GLI2: variants seen among roughly 807,000 people sequenced by gnomAD.
The protein encoded by GLI2 is transcription activator GLI2.
In GLI2, 22 loss-of-function variants were observed where a neutral mutation model predicts 78.9. The observed-to-expected ratio is 0.28, with a 90% CI of 0.20 to 0.40. GLI2 has a LOEUF of 0.40. Among genes scored for constraint, GLI2 ranks in the 10% least tolerant of loss-of-function variants. The pLI is 1.00. For missense variants in GLI2, 2,097 were observed against 2,213.2 expected (o/e 0.95, Z 1.05); for synonymous variants, 974 against 963.7 (o/e 1.01, Z -0.20).
intron 1 of GLI2, among the ~76,000 whole-genome samples, chr2:120,740,037 C>G (rs1682483023): frequency 6.6e-6 from 1 of 152,098 alleles, no homozygotes; most frequent in African/African-American, 2.4e-5. Context: ...AATAAACACA[C>G]AACACCGGAT....
At chr2:120,777,562 T>C (rs1683719022) in intron 1 of GLI2, among the ~76,000 whole-genome samples, 1 of 143,092 alleles carries the variant, frequency 7.0e-6, no homozygotes, top group Admixed American at 6.8e-5. Context: ...GAGGAAAGCT[T>C]TGGGGGGTCT....
At chr2:120,933,753 C>T (rs1333595625) in intron 3 of GLI2, among the ~76,000 whole-genome samples, 2 of 152,060 alleles carry the variant, frequency 1.3e-5, no homozygotes, top group African/African-American at 4.8e-5. Context: ...AACTTGTGTC[C>T]TGGAGAGGAA....
chr2:120,828,235 C>T (rs992000333), intron 2 of GLI2, among the ~76,000 whole-genome samples: 15 of 152,332 alleles, frequency 9.8e-5, no homozygotes, highest in Admixed American at 2.6e-4. Flanking sequence ...GGCCAAGGCC[C>T]CCGGGCCAGG....
At chr2:120,827,991 A>G (rs556613428) in intron 2 of GLI2, among the ~76,000 whole-genome samples, 190 of 152,346 alleles carry the variant, frequency 1.2e-3, no homozygotes, top group Non-Finnish European at 2.2e-3. Flanking sequence ...AATGTACTCA[A>G]TGCCTCTGAA....
chr2:120,941,005 A>G (rs1376246780), intron 3 of GLI2, among the ~76,000 whole-genome samples: 3 of 152,192 alleles, frequency 2.0e-5, no homozygotes, highest in East Asian at 3.9e-4. Context: ...GCTCCCCACC[A>G]TCAGTGCCAT....
intron 1 of GLI2, among the ~76,000 whole-genome samples, chr2:120,756,554 G>A (rs1683039101): frequency 6.6e-6 from 1 of 152,112 alleles, no homozygotes. Flanking sequence ...GTTGCCTAGA[G>A]GTAGTGAGAG....
intron 2 of GLI2, among the ~76,000 whole-genome samples, chr2:120,899,557 T>C (rs1391764198): frequency 2.6e-5 from 4 of 151,996 alleles, no homozygotes; most frequent in Non-Finnish European, 5.9e-5. Flanking sequence ...CTTGTCTGGG[T>C]CGAAAAGGTC....
In GLI2 at chr2:120,984,755, T is replaced by C. The variant is rs754197833; in HGVS notation, c.1905+12T>C. ...CCGAGAGCTCCGGGGTAAGCGGAGC[T>C]GGGCAGCCCAGCCACGCAAGGCGAC... On this transcript the variant is annotated intron_variant, in intron 12 of 13. Coordinates refer to ENST00000361492, the MANE Select transcript of GLI2 (RefSeq NM_001374353.1). The C allele has an allele frequency of 4.3e-6, 7 of 1,611,338 alleles. No homozygotes were observed. The Admixed American group carries it at 5.0e-5, about 12-fold the overall frequency.
At chr2:120,906,049 T>C (rs1333603104) in intron 2 of GLI2, among the ~76,000 whole-genome samples, 4 of 152,342 alleles carry the variant, frequency 2.6e-5, no homozygotes, top group Non-Finnish European at 1.5e-5. Context: ...CCCTGCTCGC[T>C]GTGGGCACAG....
intron 2 of GLI2, among the ~76,000 whole-genome samples, chr2:120,822,290 C>T (rs1185257798): frequency 3.3e-5 from 5 of 152,212 alleles, no homozygotes; most frequent in Admixed American, 2.0e-4. Context: ...TCCCTGGACC[C>T]AGCAGTGTGC....
chr2:120,881,938 C>T (rs137965411), intron 2 of GLI2, among the ~76,000 whole-genome samples: 24 of 151,902 alleles, frequency 1.6e-4, no homozygotes, highest in South Asian at 1.0e-3. Context: ...GAATGTCAGC[C>T]CAGCAACCAA....
intron 3 of GLI2, among the ~76,000 whole-genome samples, chr2:120,946,051 C>T (rs751865285): frequency 5.3e-5 from 8 of 151,584 alleles, no homozygotes; most frequent in Non-Finnish European, 1.0e-4. Flanking sequence ...TGCACTACCT[C>T]GTGAACTCCT....
intron 5 of GLI2, among the ~76,000 whole-genome samples, chr2:120,965,420 G>A (rs115394714): frequency 7.2e-5 from 10 of 138,646 alleles, no homozygotes; most frequent in African/African-American, 3.4e-4. Context: ...TGCTGCAGCA[G>A]AGGGGCACAC....
Position 120,988,789 on chromosome 2 carries a change from C to G in GLI2, c.2824C>G (p.His942Asp). Residue 942 changes from histidine to aspartate, a missense_variant, in exon 14 of 14, where the codon CAC (histidine) becomes GAC (aspartate). This residue lies in a region of GLI2 where 1,290 missense variants were observed against 1,261.7 expected (regional missense o/e 1.02). Transcript: ENST00000361492. The part of the protein sequence containing the change: ...GHAGAAPAFP[H>D]EAPGGGARRA... ...CGCGGGGGCTGCGCCCGCCTTCCCC[C>G]ACGAGGCTCCAGGCGGCGGAGCCAG... The G allele has an allele frequency of 7.3e-7, 1 of 1,364,930 alleles. No individual in the cohort carries two copies. The allele number at this position is 1,364,930 out of a possible 1,614,324, so 84.6% of individuals were successfully genotyped here.
chr2:120,807,898 C>G (rs985076214), intron 2 of GLI2, among the ~76,000 whole-genome samples: 12 of 152,096 alleles, frequency 7.9e-5, no homozygotes, highest in Non-Finnish European at 1.6e-4. Flanking sequence ...GGCTTCTTCT[C>G]CTTCTGGGTG....
At chr2:120,847,613 G>C (rs1191115573) in intron 2 of GLI2, among the ~76,000 whole-genome samples, 1 of 151,290 alleles carries the variant, frequency 6.6e-6, no homozygotes, top group African/African-American at 2.4e-5. Context: ...GGATTGGGGG[G>C]TTGGTGAACT....
At chr2:120,796,688 GT>G (rs1197568782) in intron 1 of GLI2, among the ~76,000 whole-genome samples, 2 of 152,172 alleles carry the variant, frequency 1.3e-5, no homozygotes, top group African/African-American at 2.4e-5. Context: ...TTTTCCCCTT[GT>G]TTGCCCCCAA....
intron 2 of GLI2, among the ~76,000 whole-genome samples, chr2:120,807,917 G>T (rs553459040): frequency 6.6e-6 from 1 of 152,168 alleles, no homozygotes; most frequent in African/African-American, 2.4e-5. Context: ...TGGGCAGGGT[G>T]GGGAGGGAGC....
In GLI2 at chr2:120,817,004, G is replaced by A. The variant is rs150557130; in HGVS notation, c.148+19536G>A. Among the ~76,000 whole-genome samples the A allele has an allele frequency of 3.8e-3, 574 of 152,210 alleles. 5 individuals carry two copies. Among genetic ancestry groups the A allele is most frequent in the African/African-American group, 0.013 (552 of 41,504 alleles). ...TACCCATGCGTTATTTTGTATAACC[G>A]TGCATCAGTCATTCAGAATTAGAAG... On this transcript the variant is annotated intron_variant, in intron 2 of 13. Coordinates refer to ENST00000361492, the MANE Select transcript of GLI2 (RefSeq NM_001374353.1).
Sources: allele counts gnomAD v4.1 joint callset (sites outside exome capture counted in the v4.1 genomes callset), GRCh38; gene constraint gnomAD v4.1.1; regional missense constraint gnomAD v4.1.1; transcripts MANE v1.5; gene names NCBI Gene and HGNC (gene_info 2026-07-23, HGNC 2026-07-21).